Variants in NKAIN3 observed in about 807,000 individuals in gnomAD.
The protein encoded by NKAIN3 is sodium/potassium-transporting ATPase subunit beta-1-interacting protein 3.
NKAIN3 carries 25 observed loss-of-function variants against 30.2 expected under a neutral mutation model. The ratio of observed to expected loss-of-function variants is 0.83; its 90% CI spans 0.60 to 1.16. The LOEUF (loss-of-function observed/expected upper bound fraction) is 1.16. NKAIN3 is among the 50% of genes most tolerant of loss of function. The probability of loss-of-function intolerance (pLI) is 0.00; values close to 1 mark genes in which losing one functional copy is unlikely to be tolerated. For missense variants in NKAIN3, 225 were observed against 254.1 expected, an observed-to-expected ratio of 0.89 and a Z score of 0.78; for synonymous variants, 91 against 89.6, an observed-to-expected ratio of 1.02 and a Z score of -0.09.
chr8:62,427,112 C>T (rs1245865464), intron 1 of NKAIN3, among the ~76,000 whole-genome samples: 1 of 152,006 alleles, frequency 6.6e-6, no homozygotes, highest in Non-Finnish European at 1.5e-5. Flanking sequence ...TTTCTCAATC[C>T]AGAGAAAGCT....
At chr8:62,814,776 G>A (rs1275939804) in intron 4 of NKAIN3, among the ~76,000 whole-genome samples, 1 of 151,948 alleles carries the variant, frequency 6.6e-6, no homozygotes, top group Non-Finnish European at 1.5e-5. Context: ...ACAAGAGAAA[G>A]CGGGAAAGAT....
Position 62,249,121 on chromosome 8 carries a change from G to T in NKAIN3, c.48G>T (p.Leu16=). 1.3e-6 allele frequency: 2 copies of T among 1,537,236 alleles called. No individual in the cohort carries two copies. Among genetic ancestry groups the T allele is most frequent in the Non-Finnish European group, 1.7e-6 (2 of 1,143,550 alleles). The change falls in exon 1 of 7, where the codon CTG becomes CTT. Residue 16 remains leucine, a synonymous_variant. Transcript: ENST00000623646. The part of the protein sequence containing the change: ...GRCSLICLCA[L]QLVSALERQI... ...GCTCGCTCATCTGCCTCTGCGCGCT[G>T]CAGTTGGTGAGTGCCCCGAGGGCCC... is the stretch of plus-strand genomic sequence containing the variant.
intron 1 of NKAIN3, among the ~76,000 whole-genome samples, chr8:62,331,297 A>G (rs533578393): frequency 2.0e-5 from 3 of 151,802 alleles, no homozygotes; most frequent in Non-Finnish European, 4.4e-5. Flanking sequence ...TAGAACTCAT[A>G]CATGTTAAGA....
In NKAIN3 at chr8:62,293,800, GCTGCCTTTTGTTCAGCTATGCC is replaced by G. The variant is rs552090314; in HGVS notation, c.54+44679_54+44700del. ...GAAGTTTAAGTCTGCAGAAGTTTCT[GCTGCCTTTTGTTCAGCTATGCC>G]CTGCCCCCAGAGGTGGAGTCTACAG... On this transcript the variant is annotated intron_variant, in intron 1 of 6. Coordinates refer to ENST00000623646, the MANE Select transcript of NKAIN3 (RefSeq NM_001304533.3). 4.1e-4 allele frequency among the ~76,000 whole-genome samples: 62 copies of G among 152,216 alleles called. 1 individual carries two copies. The highest frequency in any genetic ancestry group is 8.2e-4 in the Non-Finnish European group (56 of 68,042).
At chr8:62,811,576 A>G (rs1056946122) in intron 4 of NKAIN3, among the ~76,000 whole-genome samples, 3 of 152,068 alleles carry the variant, frequency 2.0e-5, no homozygotes, top group African/African-American at 7.2e-5. Context: ...TCTCATAAGT[A>G]CATAGTAATA....
At chr8:62,272,458 G>C (rs370307885) in intron 1 of NKAIN3, among the ~76,000 whole-genome samples, 3 of 152,066 alleles carry the variant, frequency 2.0e-5, no homozygotes, top group South Asian at 2.1e-4. Context: ...TCTCTCTCTG[G>C]GTTCTCCGAC....
At chr8:62,470,260 G>A (rs1585843877) in intron 1 of NKAIN3, among the ~76,000 whole-genome samples, 1 of 152,108 alleles carries the variant, frequency 6.6e-6, no homozygotes, top group Non-Finnish European at 1.5e-5. Context: ...GGTACTTAGG[G>A]CTGCCAATTT....
intron 3 of NKAIN3, among the ~76,000 whole-genome samples, chr8:62,600,585 C>G (rs1810958667): frequency 6.6e-6 from 1 of 151,990 alleles, no homozygotes; most frequent in South Asian, 2.1e-4. Flanking sequence ...CACTTCATTT[C>G]CCATTATAGC....
chr8:62,436,644 T>C (rs1805183094), intron 1 of NKAIN3, among the ~76,000 whole-genome samples: 1 of 152,194 alleles, frequency 6.6e-6, no homozygotes, highest in African/African-American at 2.4e-5. Context: ...ATCTTCTTTT[T>C]CAGAAAGCCT....
At chr8:62,660,528 A>C (rs946319147) in intron 3 of NKAIN3, among the ~76,000 whole-genome samples, 17 of 152,204 alleles carry the variant, frequency 1.1e-4, no homozygotes, top group African/African-American at 4.1e-4. Context: ...AGAAAACTTC[A>C]TTGTATAAGA....
At chr8:62,679,678 A>C (rs1813592815) in intron 3 of NKAIN3, among the ~76,000 whole-genome samples, 1 of 152,126 alleles carries the variant, frequency 6.6e-6, no homozygotes. Flanking sequence ...GAAGGGAAAG[A>C]GAGAGAGCAA....
chr8:62,473,304 A>G (rs1344991020), intron 1 of NKAIN3: 1 of 152,166 alleles, frequency 6.6e-6, no homozygotes, highest in African/African-American at 2.4e-5. Context: ...GAGATTTGTC[A>G]ATTTTTACAC....
intron 1 of NKAIN3, among the ~76,000 whole-genome samples, chr8:62,399,506 AAAG>A (rs1563381036): frequency 6.6e-6 from 1 of 152,178 alleles, no homozygotes; most frequent in Non-Finnish European, 1.5e-5. Context: ...CTCTGTCTCA[AAAG>A]AAAAAAGAGA....
At chr8:62,500,345 G>C (rs545250587) in intron 1 of NKAIN3, among the ~76,000 whole-genome samples, 23 of 149,128 alleles carry the variant, frequency 1.5e-4, no homozygotes, top group African/African-American at 5.7e-4. Context: ...CCATTACCAA[G>C]GAAAAACACT....
At chr8:62,711,412 T>C (rs922646097) in intron 3 of NKAIN3, among the ~76,000 whole-genome samples, 1 of 152,142 alleles carries the variant, frequency 6.6e-6, no homozygotes. Context: ...CCCAGACTTC[T>C]TGGAGGCTTT....
intron 3 of NKAIN3, among the ~76,000 whole-genome samples, chr8:62,726,858 C>G (rs1815274784): frequency 6.6e-6 from 1 of 151,922 alleles, no homozygotes; most frequent in Admixed American, 6.6e-5. Context: ...ACTCTAAGAC[C>G]AGCATTACTG....
At chr8:62,772,586 G>A (rs147496873) in intron 4 of NKAIN3, among the ~76,000 whole-genome samples, 1,788 of 151,572 alleles carry the variant, frequency 0.012, 28 homozygotes, top group African/African-American at 0.04. Context: ...GTTCAGTGAT[G>A]TTGAGCATCT....
intron 3 of NKAIN3, among the ~76,000 whole-genome samples, chr8:62,602,380 C>T (rs1175920993): frequency 6.6e-6 from 1 of 152,034 alleles, no homozygotes; most frequent in Non-Finnish European, 1.5e-5. Context: ...GAAAACACAC[C>T]TGAGATCAAT....
chr8:62,375,683 A>G (rs1817057160), intron 1 of NKAIN3, among the ~76,000 whole-genome samples: 1 of 152,160 alleles, frequency 6.6e-6, no homozygotes, highest in African/African-American at 2.4e-5. Context: ...TCAGAACACA[A>G]CCTACTGCCT....
Sources: gnomAD v4.1 joint callset for allele counts (sites outside exome capture counted in the v4.1 genomes callset) on GRCh38, gnomAD v4.1.1 for gene constraint, MANE v1.5 for transcripts, NCBI Gene and HGNC (gene_info 2026-07-23, HGNC 2026-07-21) for gene names.